GTSE1: variants seen among roughly 807,000 people sequenced by gnomAD.
GTSE1 encodes G2 and S-phase expressed 1, also known as G2 and S phase-expressed protein 1.
In GTSE1, 52 loss-of-function variants were observed where a neutral mutation model predicts 60.5. The ratio of observed to expected loss-of-function variants is 0.86; its 90% confidence interval spans 0.69 to 1.08. The LOEUF (loss-of-function observed/expected upper bound fraction) is 1.08. GTSE1 is among the 50% of genes least tolerant of loss of function. The probability of loss-of-function intolerance (pLI) is 0.00; values close to 1 mark genes in which losing one functional copy is unlikely to be tolerated. For synonymous variants in GTSE1, 368 were observed against 386.5 expected, an observed-to-expected ratio of 0.95 and a Z score of 0.56; for missense variants, 937 against 961.8, an observed-to-expected ratio of 0.97 and a Z score of 0.34.
intron 2 of GTSE1, among the ~76,000 whole-genome samples, chr22:46,298,956 T>C (rs2077673773): frequency 6.6e-6 from 1 of 152,184 alleles, no homozygotes; most frequent in African/African-American, 2.4e-5. Context: ...CTTTGAGAGC[T>C]TTCTCACTTG....
rs538350211 is a variant in GTSE1, at chr22:46,319,192, C to T, written c.1432+2780C>T. On this transcript the variant is annotated intron_variant, in intron 7 of 11. Coordinates refer to ENST00000454366, the MANE Select transcript of GTSE1 (RefSeq NM_016426.7). This position sits in a 1 kb window ranked among gnomAD's most constrained non-coding sequence, Gnocchi z 5.0. ...AGATGGAGGGGCAGCCCGAGGCCGG[C>T]TCCCAGAGCGCCGCGTGACCAGAGC... is the stretch of plus-strand genomic sequence containing the variant. Among the ~76,000 whole-genome samples the T allele has an allele frequency of 3.5e-4, 53 of 152,310 alleles. No homozygotes were observed. The highest frequency in any genetic ancestry group is 1.1e-3 in the African/African-American group (47 of 41,578).
At position 46,314,302 on chromosome 22, in the gene GTSE1, C is replaced by T. The variant is rs992704013; in HGVS notation, c.1051+289C>T. Among the ~76,000 whole-genome samples the T allele has an allele frequency of 2.6e-5, 4 of 152,148 alleles. No homozygotes were observed. The highest frequency in any genetic ancestry group is 9.7e-5 in the African/African-American group (4 of 41,424). ...CTGAGAACATGGACACTGGAATCACCCTCATGTCCATGTCATGAGACACCA... is the reference window on the plus strand; with the variant it reads ...CTGAGAACATGGACACTGGAATCACTCTCATGTCCATGTCATGAGACACCA... On this transcript the variant is annotated intron_variant, in intron 6 of 11. Coordinates refer to ENST00000454366, the MANE Select transcript of GTSE1 (RefSeq NM_016426.7). This position sits in a 1 kb window ranked among gnomAD's most constrained non-coding sequence, Gnocchi z 7.1.
intron 3 of GTSE1, 36 bp downstream of exon 3, chr22:46,308,243 T>C: frequency 6.2e-7 from 1 of 1,607,236 alleles, no homozygotes. Context: ...GCCTTGGGCA[T>C]AACCACATTC....
chr22:46,310,468 C>T lies in GTSE1; in HGVS notation c.762+1525C>T, dbSNP rs1405167220. Among the ~76,000 whole-genome samples the T allele has an allele frequency of 6.6e-6, 1 of 152,176 alleles. No individual in the cohort carries two copies. The highest frequency in any genetic ancestry group is 1.5e-5 in the Non-Finnish European group (1 of 68,042). On this transcript the variant is annotated intron_variant, in intron 4 of 11. Coordinates refer to ENST00000454366, the MANE Select transcript of GTSE1 (RefSeq NM_016426.7). This position sits in a 1 kb window ranked among gnomAD's most constrained non-coding sequence, Gnocchi z 4.4. ...CCCAGCAATTCCACTCCTTAGTACACAGACCTGAGAGAATTGAAACCATAT... is the reference window on the plus strand; with the variant it reads ...CCCAGCAATTCCACTCCTTAGTACATAGACCTGAGAGAATTGAAACCATAT...
chr22:46,323,057 G>A (rs540193196), intron 7 of GTSE1, 133 bp from the exon 8 acceptor site: 2 of 723,218 alleles, frequency 2.8e-6, no homozygotes, highest in South Asian at 2.9e-5. Flanking sequence ...GTACTTGTCT[G>A]AGCCAGTGCC....
chr22:46,318,671 A>G lies in GTSE1; in HGVS notation c.1432+2259A>G, dbSNP rs2077794535. Among the ~76,000 whole-genome samples, 1 of 152,162 alleles carries G rather than the reference A, an allele frequency of 6.6e-6. No homozygotes were observed. The highest frequency in any genetic ancestry group is 6.6e-5 in the Admixed American group (1 of 15,262). ...AGGAAAGTGCAAGGGGGAGCACTCC[A>G]GGCAGAGGCAACGGCAGGAGTGCAG... is the stretch of plus-strand genomic sequence containing the variant. On this transcript the variant is annotated intron_variant, in intron 7 of 11. Coordinates refer to ENST00000454366, the MANE Select transcript of GTSE1 (RefSeq NM_016426.7). The surrounding 1 kb of genome is among the most constrained non-coding windows in gnomAD (Gnocchi z 4.8).
rs751188210 is a variant in GTSE1, at chr22:46,308,134, G to T, written c.80-16G>T. 1.3e-5 allele frequency: 20 copies of T among 1,584,540 alleles called. 1 individual carries two copies. The South Asian group carries it at 2.2e-4, about 18-fold the overall frequency. ...CAGCTGTGGCACTAAAATAACAGTG[G>T]ATTTTTTCCCTCTAGACATTCTTCT... On this transcript the variant is annotated splice_polypyrimidine_tract_variant and intron_variant, in intron 2 of 11. Transcript: ENST00000454366.
chr22:46,326,319 C>G (rs1601917633), intron 8 of GTSE1, 117 bp from the exon 9 acceptor site: 1 of 809,508 alleles, frequency 1.2e-6, no homozygotes. Flanking sequence ...GGCTCCCTGG[C>G]TTGGCTCTTC....
rs2077781816 is a variant in GTSE1, at chr22:46,316,537, T to A, written c.1432+125T>A. ...TCTTTCCTCCAACAGTGCTTTCAGG[T>A]GTGACCCGCTGTCTTCTCGCCCACG... On this transcript the variant is annotated intron_variant, in intron 7 of 11. Coordinates refer to ENST00000454366, the MANE Select transcript of GTSE1 (RefSeq NM_016426.7). This position sits in a 1 kb window ranked among gnomAD's most constrained non-coding sequence, Gnocchi z 5.0. The A allele has an allele frequency of 1.4e-6, 1 of 717,536 alleles. No homozygotes were observed. Among genetic ancestry groups the A allele is most frequent in the Admixed American group, 2.7e-5 (1 of 36,976 alleles). 44.4% of individuals were successfully genotyped at this position (717,536 alleles called of 1,614,324 possible). A position where few individuals can be genotyped will look rare whatever the true frequency, so the allele number is the denominator to read the frequency against.
Position 46,318,160 on chromosome 22 carries a change from AG to A in GTSE1, c.1432+1749del. Among the ~76,000 whole-genome samples the A allele has an allele frequency of 6.6e-6, 1 of 152,310 alleles. No individual in the cohort carries two copies. The highest frequency in any genetic ancestry group is 2.1e-4 in the South Asian group (1 of 4,822). ...GCCATTAGTGGGTGGGTGTTTGTAA[AG>A]TTTTCATGAATTTCTTGAACAATTG... On this transcript the variant is annotated intron_variant, in intron 7 of 11. Coordinates refer to ENST00000454366, the MANE Select transcript of GTSE1 (RefSeq NM_016426.7). This position sits in a 1 kb window ranked among gnomAD's most constrained non-coding sequence, Gnocchi z 4.8.
Position 46,314,312 on chromosome 22 carries a change from A to C in GTSE1, c.1051+299A>C, listed in dbSNP as rs1396336086. ...GGACACTGGAATCACCCTCATGTCC[A>C]TGTCATGAGACACCAGTTTTAAAAT... On this transcript the variant is annotated intron_variant, in intron 6 of 11. Transcript: ENST00000454366. This position sits in a 1 kb window ranked among gnomAD's most constrained non-coding sequence, Gnocchi z 7.1. Among the ~76,000 whole-genome samples, 3 of 152,330 alleles carry C rather than the reference A, an allele frequency of 2.0e-5. No homozygotes were observed. In the East Asian group the frequency reaches 5.8e-4, roughly 29 times the overall value.
intron 7 of GTSE1, 24 bp from the exon 8 acceptor site, chr22:46,323,166 G>A (rs775369549): frequency 1.7e-5 from 27 of 1,561,184 alleles, no homozygotes; most frequent in South Asian, 1.3e-4. Flanking sequence ...TTACCTGACC[G>A]CACACTTCCT....
Position 46,316,249 on chromosome 22 carries a change from TCCGGAAGGTGGCGGCCAGTGG to T in GTSE1, c.1271_1291del (p.Pro424_Trp430del). ...CAGCATCCCCCACCCAACCCCAGAC[TCCGGAAGGTGGCGGCCAGTGG>T]CTGAACTCCAGTTGCGCTTGGTCAG... is the stretch of plus-strand genomic sequence containing the variant. On this transcript the variant is annotated inframe_deletion, in exon 7 of 12. Transcript: ENST00000454366. This position sits in a 1 kb window ranked among gnomAD's most constrained non-coding sequence, Gnocchi z 5.0. 1 of 1,613,580 alleles carries T rather than the reference TCCGGAAGGTGGCGGCCAGTGG, an allele frequency of 6.2e-7. No homozygotes were observed. Among genetic ancestry groups the T allele is most frequent in the Non-Finnish European group, 8.5e-7 (1 of 1,179,940 alleles).
intron 2 of GTSE1, among the ~76,000 whole-genome samples, chr22:46,303,642 C>G (rs1014692855): frequency 3.1e-4 from 47 of 152,236 alleles, no homozygotes; most frequent in Middle Eastern, 3.4e-3. Flanking sequence ...TCATTAAGTC[C>G]GATACTGGGT....
At chr22:46,323,125 T>C (rs751448086) in intron 7 of GTSE1, 65 bp from the exon 8 acceptor site, 2 of 1,034,266 alleles carry the variant, frequency 1.9e-6, no homozygotes, top group Non-Finnish European at 3.1e-6. Context: ...TCGGTGACGA[T>C]CCCCCAACAG....
rs1196952383 is a variant in GTSE1 at position 46,324,694 on chromosome 22, G to A, written c.1505+1432G>A. Among the ~76,000 whole-genome samples, 1 of 152,154 alleles carries A rather than the reference G, an allele frequency of 6.6e-6. No homozygotes were observed. Among genetic ancestry groups the A allele is most frequent in the Non-Finnish European group, 1.5e-5 (1 of 68,030 alleles). ...AATTTTTATTTTCACTGGAATTTGT[G>A]GTGGGGCTGCCAGAACTTAGCAATA... On this transcript the variant is annotated intron_variant, in intron 8 of 11. Transcript: ENST00000454366. The surrounding 1 kb of genome is among the most constrained non-coding windows in gnomAD (Gnocchi z 5.2).
At chr22:46,326,259 C>T (rs953253358) in intron 8 of GTSE1, among the ~76,000 whole-genome samples, 177 bp from the exon 9 acceptor site, 6 of 152,196 alleles carry the variant, frequency 3.9e-5, no homozygotes, top group African/African-American at 1.2e-4. Context: ...GGTAGCAGCT[C>T]GGAGCCTTGC....
intron 6 of GTSE1, 73 bp from the exon 7 acceptor site, chr22:46,315,959 C>T (rs2077776608): frequency 1.7e-6 from 2 of 1,170,764 alleles, no homozygotes; most frequent in Non-Finnish European, 2.4e-6. Flanking sequence ...CTAAAGACAG[C>T]ATAACTTCTG....
intron 5 of GTSE1, 100 bp downstream of exon 5, chr22:46,312,405 C>A: frequency 1.7e-6 from 2 of 1,175,798 alleles, no homozygotes; most frequent in Non-Finnish European, 2.4e-6. Flanking sequence ...TTTGGGAGGC[C>A]AAGGTGGGAG....
Sources: allele counts gnomAD v4.1 joint callset (sites outside exome capture counted in the v4.1 genomes callset), GRCh38; gene constraint gnomAD v4.1.1; non-coding constraint Gnocchi (gnomAD v3.1); transcripts MANE v1.5; gene names NCBI Gene and HGNC (gene_info 2026-07-23, HGNC 2026-07-21).